Variants in CDCA7L observed in about 807,000 individuals in gnomAD.
CDCA7L encodes cell division cycle-associated 7-like protein.
CDCA7L carries 44 observed loss-of-function variants against 57.4 expected under a neutral mutation model. The observed-to-expected ratio is 0.77, with a 90% CI of 0.60 to 0.98. CDCA7L has a LOEUF of 0.98. CDCA7L is among the 50% of genes least tolerant of loss of function. The pLI, the probability that CDCA7L is intolerant of heterozygous loss-of-function variation, is 0.00. For synonymous variants in CDCA7L, 236 were observed against 202.8 expected (o/e 1.16, Z -1.39); for missense variants, 644 against 580.6 (o/e 1.11, Z -1.12).
At chr7:21,923,322 C>G (rs1421725978) in intron 1 of CDCA7L, among the ~76,000 whole-genome samples, 1 of 152,050 alleles carries the variant, frequency 6.6e-6, no homozygotes, top group African/African-American at 2.4e-5. Context: ...GACCCCGTCT[C>G]TACCAAAAAA....
chr7:21,902,050 T>C lies in CDCA7L; in HGVS notation c.*272A>G. 1 of 466,216 alleles carries C rather than the reference T, an allele frequency of 2.1e-6. No individual in the cohort carries two copies. Among genetic ancestry groups the C allele is most frequent in the South Asian group, 3.0e-5 (1 of 33,754 alleles). The allele number at this position is 466,216 out of a possible 1,614,324, so 28.9% of individuals were successfully genotyped here. On this transcript the variant is annotated 3_prime_UTR_variant, in exon 10 of 10. Transcript: ENST00000406877. ...ACCTGAACTTTAACCCCACCCCATT[T>C]AAACTGTGCTTTTTAATAACTGGCA...
intron 1 of CDCA7L, chr7:21,944,656 T>C (rs1353452640): frequency 6.6e-6 from 1 of 152,032 alleles, no homozygotes; most frequent in African/African-American, 2.4e-5. Context: ...GCTTCAGAAA[T>C]TACTAAAAGG....
intron 7 of CDCA7L, among the ~76,000 whole-genome samples, chr7:21,905,000 T>A (rs993885405): frequency 6.6e-6 from 1 of 151,308 alleles, no homozygotes; most frequent in South Asian, 2.1e-4. Flanking sequence ...GTGAGATCTA[T>A]TTTTTTTTAA....
At chr7:21,921,200 T>TA (rs1785638944) in intron 1 of CDCA7L, among the ~76,000 whole-genome samples, 1 of 152,036 alleles carries the variant, frequency 6.6e-6, no homozygotes, top group South Asian at 2.1e-4. Flanking sequence ...GAGGTACCAT[T>TA]AGGGGGCTAT....
At position 21,902,321 on chromosome 7, in the gene CDCA7L, C is replaced by T. The variant is rs756393926; in HGVS notation, c.*1G>A. ...GGTGGCTGGTTCTGTTTGTTTTCCT[C>T]TTAATTGTCTTCTACCAGCTCCTTT... On this transcript the variant is annotated 3_prime_UTR_variant, in exon 10 of 10. Transcript: ENST00000406877. The T allele has an allele frequency of 6.2e-7, 1 of 1,613,800 alleles. No homozygotes were observed. Among genetic ancestry groups the T allele is most frequent in the Non-Finnish European group, 8.5e-7 (1 of 1,179,750 alleles).
At chr7:21,943,939 G>A (rs1786425117) in intron 1 of CDCA7L, among the ~76,000 whole-genome samples, 1 of 152,200 alleles carries the variant, frequency 6.6e-6, no homozygotes, top group Non-Finnish European at 1.5e-5. Flanking sequence ...CATGAATTAT[G>A]AATATCAGTA....
At chr7:21,940,893 C>A (rs1369137341) in intron 1 of CDCA7L, among the ~76,000 whole-genome samples, 1 of 152,230 alleles carries the variant, frequency 6.6e-6, no homozygotes, top group Non-Finnish European at 1.5e-5. Context: ...TCTGGGACTA[C>A]TCTCCACTTT....
chr7:21,902,422 T>G (rs1243330385), intron 9 of CDCA7L, 70 bp from the exon 10 acceptor site: 1 of 1,432,294 alleles, frequency 7.0e-7, no homozygotes, highest in Non-Finnish European at 9.9e-7. Flanking sequence ...GCTTGAGAGA[T>G]TCCACAATCA....
Position 21,902,062 on chromosome 7 carries a change from T to C in CDCA7L, c.*260A>G. On this transcript the variant is annotated 3_prime_UTR_variant, in exon 10 of 10. Transcript: ENST00000406877. ...ACCCCACCCCATTTAAACTGTGCTT[T>C]TTAATAACTGGCAGATATTTTTAAC... The C allele has an allele frequency of 6.2e-6, 3 of 487,770 alleles. No homozygotes were observed. The highest frequency in any genetic ancestry group is 1.1e-5 in the Non-Finnish European group (3 of 271,046). 30.2% of individuals were successfully genotyped at this position (487,770 alleles called of 1,614,324 possible).
Position 21,902,695 on chromosome 7 carries a change from T to G in CDCA7L, c.1334+283A>C, listed in dbSNP as rs986557036. The G allele has an allele frequency of 2.0e-4, 42 of 212,408 alleles. 1 individual carries two copies. Among genetic ancestry groups the G allele is most frequent in the African/African-American group, 1.4e-3 (40 of 28,374 alleles). 13.2% of individuals were successfully genotyped at this position (212,408 alleles called of 1,614,324 possible). A position where few individuals can be genotyped will look rare whatever the true frequency, so the allele number is the denominator to read the frequency against. On this transcript the variant is annotated intron_variant, in intron 9 of 9. Coordinates refer to ENST00000406877, the MANE Select transcript of CDCA7L (RefSeq NM_018719.5). The stretch of plus-strand genomic sequence containing the variant: ...CTGTGTCTTTCCCCTCAGCCTGCCT[T>G]GTTTGTTTGTTCCTTCCATTTCTGT...
intron 1 of CDCA7L, among the ~76,000 whole-genome samples, chr7:21,929,327 A>G (rs916860598): frequency 6.6e-6 from 1 of 152,122 alleles, no homozygotes; most frequent in Non-Finnish European, 1.5e-5. Context: ...GAAACGAAAA[A>G]CTGGTATCAG....
chr7:21,934,134 T>C (rs551153884), intron 1 of CDCA7L, among the ~76,000 whole-genome samples: 3 of 152,290 alleles, frequency 2.0e-5, no homozygotes, highest in East Asian at 3.9e-4. Flanking sequence ...TAAAGGTAAA[T>C]ACATGGACAA....
At chr7:21,904,049 A>ATCTT (rs1785045898) in intron 8 of CDCA7L, 61 bp downstream of exon 8, 14 of 1,475,152 alleles carry the variant, frequency 9.5e-6, no homozygotes, top group Non-Finnish European at 1.2e-5. Context: ...CAGGAGGCCC[A>ATCTT]TCTTTATAGC....
intron 1 of CDCA7L, among the ~76,000 whole-genome samples, chr7:21,943,735 A>G (rs1285108078): frequency 6.6e-6 from 1 of 152,226 alleles, no homozygotes; most frequent in Non-Finnish European, 1.5e-5. Context: ...AAAGGAAAAA[A>G]AAAAAAACCC....
Position 21,916,824 on chromosome 7 carries a change from T to A in CDCA7L, c.95A>T (p.Asp32Val), listed in dbSNP as rs750872071. 6 of 1,614,016 alleles carry A rather than the reference T, an allele frequency of 3.7e-6. No homozygotes were observed. The highest frequency in any genetic ancestry group is 5.1e-6 in the Non-Finnish European group (6 of 1,179,914). ...DDEEFVGFRD[D>V]VPMETLSSEE... ...TGACGAGAGGGTTTCCATGGGAACA[T>A]CATCTCGGAAGCCAACAAACTCTTC... is the stretch of plus-strand genomic sequence containing the variant. Residue 32 changes from aspartate (D) to valine (V), a missense_variant, in exon 2 of 10, where the codon GAT (aspartate) becomes GTT (valine). Coordinates refer to ENST00000406877, the MANE Select transcript of CDCA7L (RefSeq NM_018719.5).
At position 21,932,565 on chromosome 7, in the gene CDCA7L, T is replaced by C. The variant is rs1786048990; in HGVS notation, c.24+13216A>G. On this transcript the variant is annotated intron_variant, in intron 1 of 9. Transcript: ENST00000406877. ...AAGCAGTGGGGAAAGGATTCCCTAT[T>C]TAATAAATGGTGCTGGGAAAACTGG... Among the ~76,000 whole-genome samples the C allele has an allele frequency of 2.0e-5, 3 of 152,120 alleles. No individual in the cohort carries two copies. The South Asian group carries it at 6.2e-4, about 32-fold the overall frequency.
In CDCA7L at chr7:21,901,237, C is replaced by T. The variant is rs1486560837; in HGVS notation, c.*1085G>A. The T allele has an allele frequency of 6.2e-7, 1 of 1,607,648 alleles. No individual in the cohort carries two copies. Among genetic ancestry groups the T allele is most frequent in the East Asian group, 2.2e-5 (1 of 44,534 alleles). ...AAAATGGGTTCTGGCTGGAGTGGCT[C>T]TGCTTCTAGAAGCGTAAGGTAACAC... On this transcript the variant is annotated 3_prime_UTR_variant, in exon 10 of 10. Coordinates refer to ENST00000406877, the MANE Select transcript of CDCA7L (RefSeq NM_018719.5).
intron 1 of CDCA7L, among the ~76,000 whole-genome samples, chr7:21,930,050 T>C (rs62445929): frequency 0.091 from 13,832 of 152,168 alleles, 641 homozygotes; most frequent in South Asian, 0.13. Context: ...TATTCTAAAA[T>C]TGACCACATA....
At chr7:21,912,514 T>C (rs1457384917) in intron 2 of CDCA7L, among the ~76,000 whole-genome samples, 2 of 152,184 alleles carry the variant, frequency 1.3e-5, no homozygotes, top group African/African-American at 4.8e-5. Context: ...GGAAAGAAGA[T>C]ATGAGGAGAA....
Sources: gnomAD v4.1 joint callset for allele counts (sites outside exome capture counted in the v4.1 genomes callset) on GRCh38, gnomAD v4.1.1 for gene constraint, MANE v1.5 for transcripts, NCBI Gene and HGNC (gene_info 2026-07-23, HGNC 2026-07-21) for gene names.